TPR: variants seen among roughly 807,000 people sequenced by gnomAD.
The protein encoded by TPR is translocated promoter region, nuclear basket protein.
A neutral mutation model predicts 316.1 loss-of-function variants in TPR; 51 were observed. The observed-to-expected ratio is 0.16, with a 90% CI of 0.13 to 0.20. The LOEUF (loss-of-function observed/expected upper bound fraction) is 0.20. Ranked by LOEUF, TPR falls within the 10% of genes least tolerant of loss-of-function variation. The pLI is 1.00. For missense variants in TPR, 2,272 were observed against 2,754.8 expected (o/e 0.82, Z 3.92); for synonymous variants, 981 against 914.7 (o/e 1.07, Z -1.31).
At chr1:186,353,245 A>G (rs3131555) in intron 18 of TPR, among the ~76,000 whole-genome samples, 150,483 of 152,132 alleles carry the variant, frequency 0.99, 74,429 homozygotes, top group East Asian at 1. Flanking sequence ...GGTGGCGGGC[A>G]CCTGTAGTCC....
intron 49 of TPR, among the ~76,000 whole-genome samples, chr1:186,315,196 G>C (rs1657565117): frequency 6.9e-6 from 1 of 144,832 alleles, no homozygotes; most frequent in African/African-American, 2.6e-5. Flanking sequence ...GGCAGACCAA[G>C]GCCCTGTCTC....
In TPR at chr1:186,327,440, T is replaced by C; in HGVS notation, c.5889+20A>G. ...CATCCAATAGTTTAAAAACACTAGA[T>C]GATTTCAAATCAAACTTACCTCATG... On this transcript the variant is annotated intron_variant, in intron 40 of 50. Transcript: ENST00000367478. The C allele has an allele frequency of 6.2e-7, 1 of 1,605,596 alleles. No individual in the cohort carries two copies. Among genetic ancestry groups the C allele is most frequent in the Non-Finnish European group, 8.5e-7 (1 of 1,178,776 alleles).
At position 186,361,601 on chromosome 1, in the gene TPR, C is replaced by T. The variant is rs746167321; in HGVS notation, c.958+21G>A. ...AGAGTACAATAACAAAAATAATGTT[C>T]CCATAACTGAAAACACTTACCTTCA... On this transcript the variant is annotated intron_variant, in intron 9 of 50. Transcript: ENST00000367478. 16 of 1,607,582 alleles carry T rather than the reference C, an allele frequency of 1.0e-5. No individual in the cohort carries two copies. In the East Asian group the frequency reaches 3.6e-4, roughly 36 times the overall value.
chr1:186,340,505 C>T (rs971416091), intron 29 of TPR, among the ~76,000 whole-genome samples: 2 of 152,042 alleles, frequency 1.3e-5, no homozygotes, highest in Non-Finnish European at 2.9e-5. Context: ...GATCACAACT[C>T]ACTGCAGCTT....
intron 37 of TPR, among the ~76,000 whole-genome samples, chr1:186,332,799 G>A (rs1341108611): frequency 2.0e-5 from 3 of 151,964 alleles, no homozygotes; most frequent in Non-Finnish European, 4.4e-5. Flanking sequence ...ACAATGTTTT[G>A]CATTAATATG....
chr1:186,351,892 T>C (rs1382952809), intron 19 of TPR, 84 bp downstream of exon 19: 8 of 1,465,976 alleles, frequency 5.5e-6, no homozygotes, highest in African/African-American at 1.4e-5. Flanking sequence ...GGATAAATTT[T>C]CTAATTAAGG....
chr1:186,368,689 A>T (rs1341882477), intron 3 of TPR, among the ~76,000 whole-genome samples: 6 of 152,192 alleles, frequency 3.9e-5, no homozygotes, highest in Non-Finnish European at 1.5e-5. Flanking sequence ...TATCTATCTC[A>T]AGCTACCTAT....
At chr1:186,333,055 T>C in intron 37 of TPR, 67 bp downstream of exon 37, 5 of 1,542,934 alleles carry the variant, frequency 3.2e-6, no homozygotes, top group Non-Finnish European at 4.4e-6. Flanking sequence ...ATATATATAC[T>C]CAAGATACAC....
chr1:186,355,824 A>AG, intron 15 of TPR, 56 bp from the exon 16 acceptor site: 1 of 1,582,292 alleles, frequency 6.3e-7, no homozygotes, highest in Non-Finnish European at 8.6e-7. Context: ...AATCAGCTTT[A>AG]ATCTAATGCT....
At chr1:186,337,211 T>C (rs1200807730) in intron 31 of TPR, 55 bp from the exon 32 acceptor site, 1 of 1,530,142 alleles carries the variant, frequency 6.5e-7, no homozygotes, top group Non-Finnish European at 8.8e-7. Context: ...GTAATTCCAT[T>C]TCTGCAAGTT....
Position 186,335,546 on chromosome 1 carries a change from AAAG to A in TPR, c.4706-6_4706-4del, listed in dbSNP as rs1558003358. 1 of 1,582,160 alleles carries A rather than the reference AAAG, an allele frequency of 6.3e-7. No individual in the cohort carries two copies. Among genetic ancestry groups the A allele is most frequent in the Non-Finnish European group, 8.6e-7 (1 of 1,168,760 alleles). ...TTTAGTTAGCTGATCTTTTACACCTAAAGAAGTAACCAGGCGATTATATTAATA... is the reference window on the plus strand; with the variant it reads ...TTTAGTTAGCTGATCTTTTACACCTAAAGTAACCAGGCGATTATATTAATA... On this transcript the variant is annotated splice_region_variant and splice_polypyrimidine_tract_variant and intron_variant, in intron 33 of 50. Transcript: ENST00000367478.
chr1:186,330,132 T>A (rs192851248), intron 39 of TPR, among the ~76,000 whole-genome samples: 1 of 152,096 alleles, frequency 6.6e-6, no homozygotes, highest in African/African-American at 2.4e-5. Context: ...GAGACCAAAA[T>A]AGATGCCATT....
chr1:186,363,035 A>T, intron 5 of TPR, 34 bp from the exon 6 acceptor site: 1 of 1,568,040 alleles, frequency 6.4e-7, no homozygotes, highest in African/African-American at 1.4e-5. Flanking sequence ...ACGTACAGTT[A>T]AAGATGATAT....
intron 22 of TPR, 125 bp from the exon 23 acceptor site, chr1:186,346,412 G>A: frequency 9.9e-7 from 1 of 1,012,194 alleles, no homozygotes; most frequent in Non-Finnish European, 1.4e-6. Context: ...ATTAAAAAAA[G>A]AATCCATCAA....
At chr1:186,357,103 T>C (rs934496916) in intron 14 of TPR, among the ~76,000 whole-genome samples, 5 of 152,162 alleles carry the variant, frequency 3.3e-5, no homozygotes, top group African/African-American at 1.2e-4. Context: ...TAGAGTGTGG[T>C]GCATGATCAT....
intron 14 of TPR, 46 bp downstream of exon 14, chr1:186,357,351 T>C (rs761002744): frequency 6.3e-7 from 1 of 1,591,066 alleles, no homozygotes; most frequent in Admixed American, 1.7e-5. Flanking sequence ...CTAGCTGAGG[T>C]TTTCATAAAT....
chr1:186,312,878 C>T lies in TPR; in HGVS notation c.*1093G>A, dbSNP rs1388040598. 41 of 1,612,372 alleles carry T rather than the reference C, an allele frequency of 2.5e-5. No individual in the cohort carries two copies. Among genetic ancestry groups the T allele is most frequent in the Admixed American group, 6.7e-5 (4 of 60,000 alleles). ...TCAGAAAACCTGACGGCTATGATTA[C>T]TATGCCTTTTCTAAAGGTAAGGTAT... On this transcript the variant is annotated 3_prime_UTR_variant, in exon 51 of 51. Transcript: ENST00000367478.
chr1:186,352,056 G>A lies in TPR; in HGVS notation c.2389C>T (p.Arg797Cys), dbSNP rs866145176. 27 of 1,609,442 alleles carry A rather than the reference G, an allele frequency of 1.7e-5. No individual in the cohort carries two copies. Among genetic ancestry groups the A allele is most frequent in the Admixed American group, 1.0e-4 (6 of 59,208 alleles). ...EKEMLKLSEV[R>C]LSQQRESLLA... ...AAAGACTCTCTTTGCTGAGAAAGAC[G>A]AACTTCAGACAATTTAAGCATTTCC... The change falls in exon 19 of 51, where the codon CGT becomes TGT. Residue 797 changes from arginine (R) to cysteine (C), a missense_variant. Physicochemically the swap from Arg to Cys is radical, Grantham distance 180 (BLOSUM62 -3). Around this residue, in one of 10 missense-constraint regions of TPR, gnomAD observed 757 missense variants for 859.8 expected, o/e 0.88. Transcript: ENST00000367478.
intron 15 of TPR, 131 bp from the exon 16 acceptor site, chr1:186,355,899 TAGG>T (rs1489846777): frequency 9.0e-6 from 10 of 1,113,300 alleles, no homozygotes; most frequent in Non-Finnish European, 1.1e-5. Flanking sequence ...AATAAGATTA[TAGG>T]AGTTTTTAAA....
Sources: gnomAD v4.1 joint callset for allele counts (sites outside exome capture counted in the v4.1 genomes callset) on GRCh38, gnomAD v4.1.1 for gene constraint, gnomAD v4.1.1 regional missense constraint, MANE v1.5 for transcripts, NCBI Gene and HGNC (gene_info 2026-07-23, HGNC 2026-07-21) for gene names.